Variants in GALNTL5 observed in about 807,000 individuals in gnomAD.
The protein encoded by GALNTL5 is inactive polypeptide N-acetylgalactosaminyltransferase-like protein 5.
Under a neutral mutation model 51.0 loss-of-function variants are expected in GALNTL5, and 44 were observed. The observed-to-expected ratio is 0.86, with a 90% CI of 0.68 to 1.11. GALNTL5 has a LOEUF of 1.11. GALNTL5 is among the 50% of genes least tolerant of loss of function. The pLI is 0.00. For missense variants in GALNTL5, 528 were observed against 531.8 expected, an observed-to-expected ratio of 0.99 and a Z score of 0.07; for synonymous variants, 192 against 182.8, an observed-to-expected ratio of 1.05 and a Z score of -0.41.
chr7:151,994,577 C>G (rs1182286481), intron 5 of GALNTL5, among the ~76,000 whole-genome samples: 2 of 152,086 alleles, frequency 1.3e-5, no homozygotes, highest in Non-Finnish European at 2.9e-5. Context: ...AAGCCTCATC[C>G]CGTCTCAGAG....
intron 5 of GALNTL5, among the ~76,000 whole-genome samples, chr7:151,991,781 A>C (rs2151951522): frequency 6.6e-6 from 1 of 152,276 alleles, no homozygotes; most frequent in Admixed American, 6.5e-5. Context: ...TTCATTCTGC[A>C]AGTGTCTTAG....
chr7:151,977,422 A>G (rs1445145755), intron 3 of GALNTL5, among the ~76,000 whole-genome samples: 2 of 152,064 alleles, frequency 1.3e-5, no homozygotes, highest in African/African-American at 4.8e-5. Flanking sequence ...GCACAAGGAG[A>G]TTCTGAGCTC....
At chr7:151,980,835 T>C (rs1229046173) in intron 3 of GALNTL5, among the ~76,000 whole-genome samples, 1 of 126,714 alleles carries the variant, frequency 7.9e-6, no homozygotes, top group Non-Finnish European at 1.6e-5. Flanking sequence ...AAGCTCCGCC[T>C]CCTGGGTTCA....
rs2081309806 is a variant in GALNTL5 at position 151,982,864 on chromosome 7, A to C, written c.369-122A>C. The C allele has an allele frequency of 3.8e-6, 6 of 1,581,430 alleles. No individual in the cohort carries two copies. In the South Asian group the frequency reaches 6.8e-5, roughly 18 times the overall value. On this transcript the variant is annotated intron_variant, in intron 3 of 8. Coordinates refer to ENST00000392800, the MANE Select transcript of GALNTL5 (RefSeq NM_145292.4). Reference sequence around the variant, plus strand: ...AGATGTACTGTCACCTTATTACCATAATTATCAGTTGAAGGAGTAAAGAGT... The same window carrying C: ...AGATGTACTGTCACCTTATTACCATCATTATCAGTTGAAGGAGTAAAGAGT...
At chr7:152,003,966 C>T (rs58286379) in intron 6 of GALNTL5, among the ~76,000 whole-genome samples, 7,568 of 152,066 alleles carry the variant, frequency 0.05, 310 homozygotes, top group Middle Eastern at 0.12. Context: ...TTGGATCATT[C>T]TTTTTGAAAA....
chr7:151,982,296 C>T (rs893290551), intron 3 of GALNTL5, among the ~76,000 whole-genome samples: 2 of 152,020 alleles, frequency 1.3e-5, no homozygotes, highest in Admixed American at 6.6e-5. Context: ...TGCCTGTAAT[C>T]CCAGCTACTC....
intron 5 of GALNTL5, among the ~76,000 whole-genome samples, chr7:151,998,629 G>A (rs1285299874): frequency 6.6e-6 from 1 of 152,000 alleles, no homozygotes; most frequent in Non-Finnish European, 1.5e-5. Flanking sequence ...AAAATTAGCT[G>A]GACATGTTGG....
At chr7:151,987,983 C>A (rs1387119870) in intron 5 of GALNTL5, among the ~76,000 whole-genome samples, 3 of 152,196 alleles carry the variant, frequency 2.0e-5, no homozygotes, top group Admixed American at 2.0e-4. Flanking sequence ...AACGGCATGA[C>A]CTTGACATGA....
intron 6 of GALNTL5, among the ~76,000 whole-genome samples, chr7:152,006,668 A>G (rs574455390): frequency 6.6e-6 from 1 of 152,008 alleles, no homozygotes; most frequent in Admixed American, 6.5e-5. Flanking sequence ...TCCCCTACAC[A>G]TGGGTCTTGG....
intron 1 of GALNTL5, among the ~76,000 whole-genome samples, chr7:151,959,064 ACT>A (rs1216864493): frequency 6.6e-6 from 1 of 151,986 alleles, no homozygotes; most frequent in Non-Finnish European, 1.5e-5. Flanking sequence ...CCGGTCGTGG[ACT>A]CTGGCAACTC....
rs143814144 is a variant in GALNTL5 at position 151,958,218 on chromosome 7, C to T, written c.-40+1609C>T. On this transcript the variant is annotated intron_variant, in intron 1 of 8. Coordinates refer to ENST00000392800, the MANE Select transcript of GALNTL5 (RefSeq NM_145292.4). Reference sequence around the variant, plus strand: ...CTCTAGGCTCACCTCTGGGCTTGCTCTCCCCACTGGACGCAGCAGGCTGCA... The same window carrying T: ...CTCTAGGCTCACCTCTGGGCTTGCTTTCCCCACTGGACGCAGCAGGCTGCA... 1.6e-3 allele frequency among the ~76,000 whole-genome samples: 249 copies of T among 152,346 alleles called. 2 individuals are homozygous for T. The highest frequency in any genetic ancestry group is 3.1e-3 in the Non-Finnish European group (209 of 68,036).
chr7:151,969,434 T>C (rs1409317997), intron 2 of GALNTL5, among the ~76,000 whole-genome samples: 1 of 152,198 alleles, frequency 6.6e-6, no homozygotes, highest in Non-Finnish European at 1.5e-5. Flanking sequence ...ATGAATGGAC[T>C]CAGAGACCCA....
chr7:152,004,065 A>C (rs1483399672), intron 6 of GALNTL5, among the ~76,000 whole-genome samples: 1 of 152,086 alleles, frequency 6.6e-6, no homozygotes, highest in African/African-American at 2.4e-5. Flanking sequence ...GAAGAGAGTC[A>C]GAAATAAGCA....
chr7:152,017,945 A>G (rs1354049051), intron 8 of GALNTL5, among the ~76,000 whole-genome samples: 1 of 151,940 alleles, frequency 6.6e-6, no homozygotes, highest in Non-Finnish European at 1.5e-5. Context: ...TCCCACGTTC[A>G]GTGATTCTCC....
chr7:151,962,436 C>CTTTTTTTTTTTTTTT lies in GALNTL5; in HGVS notation c.-39-4771_-39-4757dup, dbSNP rs61210832. ...AAAAAAGTCTGTGTGATTTTTTTTTCTTTTTTTTTTTTTTTGGTTAATGCA... is the reference window on the plus strand; with the variant it reads ...AAAAAAGTCTGTGTGATTTTTTTTTCTTTTTTTTTTTTTTTTTTTTTTTTTTTTTTGGTTAATGCA... On this transcript the variant is annotated intron_variant, in intron 1 of 8. Transcript: ENST00000392800. Among the ~76,000 whole-genome samples, 26 of 116,238 alleles carry CTTTTTTTTTTTTTTT rather than the reference C, an allele frequency of 2.2e-4. 2 individuals are homozygous for CTTTTTTTTTTTTTTT. Among genetic ancestry groups the CTTTTTTTTTTTTTTT allele is most frequent in the Non-Finnish European group, 2.4e-4 (14 of 57,322 alleles). 76.3% of individuals were successfully genotyped at this position (116,238 alleles called of 152,430 possible).
At chr7:152,000,584 T>C (rs531236881) in intron 5 of GALNTL5, among the ~76,000 whole-genome samples, 1 of 152,290 alleles carries the variant, frequency 6.6e-6, no homozygotes, top group South Asian at 2.1e-4. Flanking sequence ...CAACACTTGC[T>C]ATTGTCTGTC....
intron 1 of GALNTL5, among the ~76,000 whole-genome samples, chr7:151,961,485 T>G (rs1385336166): frequency 6.6e-6 from 1 of 152,200 alleles, no homozygotes. Flanking sequence ...CACTCCGGCC[T>G]GGGTGACAGA....
At chr7:151,964,565 C>T (rs2081033255) in intron 1 of GALNTL5, among the ~76,000 whole-genome samples, 1 of 152,162 alleles carries the variant, frequency 6.6e-6, no homozygotes, top group Non-Finnish European at 1.5e-5. Context: ...CTCCTCCTTG[C>T]CTTCCAGCCT....
Position 152,004,141 on chromosome 7 carries a change from A to G in GALNTL5, c.908+1178A>G, listed in dbSNP as rs1018938115. ...AACTGAAAACAACATATTCAATACT[A>G]TTGAAATGGGTAAAAAATAAAGTAT... is the stretch of plus-strand genomic sequence containing the variant. On this transcript the variant is annotated intron_variant, in intron 6 of 8. Transcript: ENST00000392800. Among the ~76,000 whole-genome samples the G allele has an allele frequency of 2.7e-4, 41 of 151,994 alleles. 1 individual carries two copies. The highest frequency in any genetic ancestry group is 7.4e-5 in the Non-Finnish European group (5 of 67,958).
Sources: allele counts gnomAD v4.1 joint callset (sites outside exome capture counted in the v4.1 genomes callset), GRCh38; gene constraint gnomAD v4.1.1; transcripts MANE v1.5; gene names NCBI Gene and HGNC (gene_info 2026-07-23, HGNC 2026-07-21).